Variants in AKR1C8 observed in about 807,000 individuals in gnomAD.
AKR1C8 encodes aldo-keto reductase family 1 member C-like protein 1.
the AKR1C8 span, among the ~76,000 whole-genome samples, chr10:5,165,962 T>A: frequency 1.3e-5 from 2 of 152,116 alleles, 1 homozygote; most frequent in Admixed American, 1.3e-4. Context: ...CTTGCATCCA[T>A]GGGTGACTCC....
the AKR1C8 span, among the ~76,000 whole-genome samples, chr10:5,165,916 C>A: frequency 6.6e-6 from 1 of 152,006 alleles, no homozygotes; most frequent in East Asian, 1.9e-4. Context: ...CTACTCCTAA[C>A]GACTAACTTG....
chr10:5,161,192 C>CGT, the AKR1C8 span, among the ~76,000 whole-genome samples: 1 of 152,152 alleles, frequency 6.6e-6, no homozygotes, highest in Non-Finnish European at 1.5e-5. Context: ...CATCCCTACT[C>CGT]GTCACTAAGA....
the AKR1C8 span, among the ~76,000 whole-genome samples, chr10:5,138,700 T>C: frequency 6.6e-6 from 1 of 152,250 alleles, no homozygotes; most frequent in African/African-American, 2.4e-5. Flanking sequence ...CAATTTATGT[T>C]CCTCTGCCAC....
the AKR1C8 span, among the ~76,000 whole-genome samples, chr10:5,152,018 G>A: frequency 6.6e-6 from 1 of 152,064 alleles, no homozygotes; most frequent in Non-Finnish European, 1.5e-5. Flanking sequence ...GGATTCTAAG[G>A]TTTGCATGAC....
chr10:5,132,582 G>A, the AKR1C8 span: 1 of 1,517,666 alleles, frequency 6.6e-7, no homozygotes, highest in Non-Finnish European at 8.9e-7. Flanking sequence ...GTGCATGCAT[G>A]CTTATCATAG....
the AKR1C8 span, among the ~76,000 whole-genome samples, chr10:5,172,167 A>AT: frequency 6.6e-6 from 1 of 152,106 alleles, no homozygotes; most frequent in African/African-American, 2.4e-5. Context: ...TTATAGTGGC[A>AT]TTTTATAAAG....
At chr10:5,123,760 T>A in the AKR1C8 span, 1 of 1,613,524 alleles carries the variant, frequency 6.2e-7, no homozygotes, top group Admixed American at 1.7e-5. Context: ...ACCAGAACAA[T>A]GTCTTTTGAC....
At chr10:5,135,913 G>GA in the AKR1C8 span, among the ~76,000 whole-genome samples, 1 of 152,006 alleles carries the variant, frequency 6.6e-6, no homozygotes, top group Non-Finnish European at 1.5e-5. Context: ...CATTCCTGAT[G>GA]AAAATGCAGT....
chr10:5,164,538 A>C, the AKR1C8 span, among the ~76,000 whole-genome samples: 88 of 152,200 alleles, frequency 5.8e-4, 1 homozygote, highest in South Asian at 0.018. Flanking sequence ...CCAACCGTCA[A>C]ACTCTTTACT....
At chr10:5,129,749 A>G in the AKR1C8 span, among the ~76,000 whole-genome samples, 8 of 152,192 alleles carry the variant, frequency 5.3e-5, no homozygotes, top group African/African-American at 1.7e-4. Context: ...ACAGACCAAT[A>G]ACAAGCACCA....
the AKR1C8 span, among the ~76,000 whole-genome samples, chr10:5,180,846 G>A: frequency 2.6e-4 from 40 of 152,288 alleles, no homozygotes; most frequent in Middle Eastern, 3.4e-3. Context: ...GGAAAAGCGC[G>A]GTATTAGGGT....
At chr10:5,160,775 C>T in the AKR1C8 span, 2 of 468,950 alleles carry the variant, frequency 4.3e-6, no homozygotes, top group African/African-American at 2.0e-5. Flanking sequence ...TCCAACCTCA[C>T]TACACAGTGC....
the AKR1C8 span, among the ~76,000 whole-genome samples, chr10:5,183,981 T>C: frequency 6.6e-6 from 1 of 152,342 alleles, no homozygotes; most frequent in South Asian, 2.1e-4. Flanking sequence ...GGCATGTATA[T>C]GGTGGGCTCC....
chr10:5,178,242 G>A, the AKR1C8 span, among the ~76,000 whole-genome samples: 1 of 152,314 alleles, frequency 6.6e-6, no homozygotes, highest in African/African-American at 2.4e-5. Flanking sequence ...TATGTACCCA[G>A]TAGTCATTCA....
the AKR1C8 span, among the ~76,000 whole-genome samples, chr10:5,142,470 C>T: frequency 6.6e-6 from 1 of 152,090 alleles, no homozygotes; most frequent in African/African-American, 2.4e-5. Flanking sequence ...ACATGCATTC[C>T]TCAATAAGCT....
chr10:5,171,554 G>T, the AKR1C8 span, among the ~76,000 whole-genome samples: 1 of 151,872 alleles, frequency 6.6e-6, no homozygotes, highest in Non-Finnish European at 1.5e-5. Context: ...ATATTAGTGT[G>T]CTATTAATTT....
chr10:5,160,372 T>C, the AKR1C8 span, among the ~76,000 whole-genome samples: 2 of 150,570 alleles, frequency 1.3e-5, no homozygotes. Flanking sequence ...ACCTCTGTTC[T>C]AGAATGGGAA....
At chr10:5,172,501 G>A in the AKR1C8 span, among the ~76,000 whole-genome samples, 17 of 152,094 alleles carry the variant, frequency 1.1e-4, no homozygotes, top group Admixed American at 3.9e-4. Context: ...TTCAGATGCA[G>A]CTATCTTCAT....
At chr10:5,158,791 T>C in the AKR1C8 span, 31 of 459,822 alleles carry the variant, frequency 6.7e-5, no homozygotes, top group South Asian at 1.3e-4. Context: ...TGAAGGAATG[T>C]GTAATACTAC....
Sources: gnomAD v4.1 joint callset for allele counts (sites outside exome capture counted in the v4.1 genomes callset) on GRCh38, gnomAD v4.1.1 for gene constraint, MANE v1.5 for transcripts, NCBI Gene and HGNC (gene_info 2026-07-23, HGNC 2026-07-21) for gene names.